Variants in PLCL1 observed in about 807,000 individuals in gnomAD.
PLCL1 encodes the protein phospholipase C like 1 (inactive).
PLCL1 carries 41 observed loss-of-function variants against 84.4 expected under a neutral mutation model. The observed-to-expected ratio is 0.49, with a 90% CI of 0.38 to 0.63. PLCL1 has a LOEUF of 0.63. PLCL1 is among the 30% of genes least tolerant of loss of function. The probability of loss-of-function intolerance (pLI) is 0.00; values close to 1 mark genes in which losing one functional copy is unlikely to be tolerated. For synonymous variants in PLCL1, 490 were observed against 488.3 expected, an observed-to-expected ratio of 1.00 and a Z score of -0.05; for missense variants, 1,206 against 1,367.8, an observed-to-expected ratio of 0.88 and a Z score of 1.87.
intron 1 of PLCL1, among the ~76,000 whole-genome samples, chr2:198,018,445 C>T (rs1040504614): frequency 1.3e-5 from 2 of 152,090 alleles, no homozygotes; most frequent in African/African-American, 2.4e-5. Flanking sequence ...TCAATGGATC[C>T]CACCCCATGG....
chr2:197,911,258 C>T (rs4850813), intron 1 of PLCL1, among the ~76,000 whole-genome samples: 41,149 of 151,722 alleles, frequency 0.27, 6,667 homozygotes, highest in East Asian at 0.5. Flanking sequence ...ATCAACTGAG[C>T]CTGGGTAGGC....
chr2:197,983,557 T>C (rs1029466877), intron 1 of PLCL1, among the ~76,000 whole-genome samples: 7 of 152,070 alleles, frequency 4.6e-5, no homozygotes, highest in African/African-American at 1.2e-4. Context: ...CTATAAAAGG[T>C]TTATTAGCAT....
At chr2:197,986,445 G>A (rs912744655) in intron 1 of PLCL1, among the ~76,000 whole-genome samples, 1 of 152,188 alleles carries the variant, frequency 6.6e-6, no homozygotes, top group African/African-American at 2.4e-5. Flanking sequence ...TCAGACTCCT[G>A]TACTCAAGTG....
intron 5 of PLCL1, among the ~76,000 whole-genome samples, chr2:198,111,786 A>G (rs974496137): frequency 2.0e-5 from 3 of 151,918 alleles, no homozygotes; most frequent in East Asian, 1.9e-4. Flanking sequence ...CCACTATGCT[A>G]TATTGTCAAA....
At chr2:197,980,554 A>G (rs1690082054) in intron 1 of PLCL1, among the ~76,000 whole-genome samples, 1 of 152,178 alleles carries the variant, frequency 6.6e-6, no homozygotes, top group Non-Finnish European at 1.5e-5. Context: ...GAGAATGAAT[A>G]TGAGTTCACT....
At chr2:198,094,031 A>G (rs1458188972) in intron 3 of PLCL1, among the ~76,000 whole-genome samples, 1 of 152,080 alleles carries the variant, frequency 6.6e-6, no homozygotes, top group African/African-American at 2.4e-5. Context: ...TGAGGGTTTT[A>G]AAATTCAGTC....
chr2:197,814,161 G>A (rs1366066829), intron 1 of PLCL1, among the ~76,000 whole-genome samples: 1 of 152,118 alleles, frequency 6.6e-6, no homozygotes, highest in Non-Finnish European at 1.5e-5. Flanking sequence ...GTACTTTGCA[G>A]ATATTGCATT....
intron 1 of PLCL1, among the ~76,000 whole-genome samples, chr2:198,002,529 G>A (rs1559070454): frequency 6.6e-6 from 1 of 151,984 alleles, no homozygotes; most frequent in Non-Finnish European, 1.5e-5. Context: ...ATTGAAAACT[G>A]GGTTTATGTT....
chr2:198,126,689 G>C lies in PLCL1; in HGVS notation c.3106-20091G>C, dbSNP rs547643892. 1.7e-3 allele frequency among the ~76,000 whole-genome samples: 261 copies of C among 152,216 alleles called. 5 individuals carry two copies. In the South Asian group the frequency reaches 0.021, roughly 12 times the overall value. ...GGAGGTTGAAGTGGGCAGATCCCTT[G>C]AGCTCAGGAGTTCCAGTCCAGCCTG... On this transcript the variant is annotated intron_variant, in intron 5 of 5. Transcript: ENST00000428675.
At chr2:198,141,477 C>CAAA (rs60334474) in intron 5 of PLCL1, among the ~76,000 whole-genome samples, 1,687 of 79,156 alleles carry the variant, frequency 0.021, 40 homozygotes, top group African/African-American at 0.064. Context: ...AGTGTAACAT[C>CAAA]AAAAAAAAAA....
intron 1 of PLCL1, among the ~76,000 whole-genome samples, chr2:198,077,582 T>G (rs1415808349): frequency 6.6e-6 from 1 of 152,128 alleles, no homozygotes; most frequent in Non-Finnish European, 1.5e-5. Flanking sequence ...TGGGTTTAGC[T>G]CATCTCTAAC....
chr2:198,080,219 T>A (rs1432152480), intron 1 of PLCL1, among the ~76,000 whole-genome samples: 1 of 152,194 alleles, frequency 6.6e-6, no homozygotes, highest in African/African-American at 2.4e-5. Flanking sequence ...TCCCAATACA[T>A]ACACAACATA....
At chr2:197,937,731 A>G (rs1270315977) in intron 1 of PLCL1, among the ~76,000 whole-genome samples, 1 of 152,248 alleles carries the variant, frequency 6.6e-6, no homozygotes, top group African/African-American at 2.4e-5. Flanking sequence ...AACATAAACT[A>G]TACACAGCTA....
Position 198,147,025 on chromosome 2 carries a change from T to C in PLCL1, c.*63T>C, listed in dbSNP as rs1428365133. 1 of 1,373,424 alleles carries C rather than the reference T, an allele frequency of 7.3e-7. No individual in the cohort carries two copies. The highest frequency in any genetic ancestry group is 9.8e-7 in the Non-Finnish European group (1 of 1,020,812). 85.1% of individuals were successfully genotyped at this position (1,373,424 alleles called of 1,614,324 possible). A position where few individuals can be genotyped will look rare whatever the true frequency, so the allele number is the denominator to read the frequency against. The stretch of plus-strand genomic sequence containing the variant: ...GGACTCTGGTTTCTCATTCTTGTTT[T>C]CTTTCTTTAAATGTTTTATAAGTTC... On this transcript the variant is annotated 3_prime_UTR_variant, in exon 6 of 6. Transcript: ENST00000428675.
Position 198,104,446 on chromosome 2 carries a change from G to A in PLCL1, c.3105+510G>A, listed in dbSNP as rs116858326. Among the ~76,000 whole-genome samples, 864 of 152,056 alleles carry A rather than the reference G, an allele frequency of 5.7e-3. 51 individuals are homozygous for A. The East Asian group carries it at 0.15, about 26-fold the overall frequency. ...TATCTTTATCCAGTCCACTATTGAC[G>A]GACATGTAGGTTGATTCCATGCTTT... On this transcript the variant is annotated intron_variant, in intron 5 of 5. Coordinates refer to ENST00000428675, the MANE Select transcript of PLCL1 (RefSeq NM_006226.4).
intron 1 of PLCL1, among the ~76,000 whole-genome samples, chr2:198,069,064 AAAT>A (rs1457706724): frequency 6.6e-5 from 10 of 151,908 alleles, no homozygotes; most frequent in Non-Finnish European, 2.9e-5. Context: ...AAAAATAAAA[AAAT>A]AAAAAAAATT....
intron 1 of PLCL1, among the ~76,000 whole-genome samples, chr2:197,890,912 T>A (rs940653479): frequency 6.7e-6 from 1 of 149,122 alleles, no homozygotes; most frequent in Non-Finnish European, 1.5e-5. Flanking sequence ...TGTATCTATA[T>A]ATCCTGGGTA....
chr2:198,130,637 G>A (rs998288897), intron 5 of PLCL1, among the ~76,000 whole-genome samples: 3 of 152,016 alleles, frequency 2.0e-5, no homozygotes, highest in Non-Finnish European at 4.4e-5. Flanking sequence ...TATCCTCAGT[G>A]ACACCTCTGG....
chr2:198,009,525 T>G (rs1690814675), intron 1 of PLCL1, among the ~76,000 whole-genome samples: 1 of 151,996 alleles, frequency 6.6e-6, no homozygotes, highest in Non-Finnish European at 1.5e-5. Context: ...GGGCTCTCTA[T>G]TTTACTCCGT....
Sources: allele counts gnomAD v4.1 joint callset (sites outside exome capture counted in the v4.1 genomes callset), GRCh38; gene constraint gnomAD v4.1.1; transcripts MANE v1.5; gene names NCBI Gene and HGNC (gene_info 2026-07-23, HGNC 2026-07-21).